The following TFAP2D variants were observed in gnomAD, a reference collection of about 807,000 sequenced individuals.
The protein encoded by TFAP2D is transcription factor AP-2 delta.
A neutral mutation model predicts 43.6 loss-of-function variants in TFAP2D; 9 were observed. That is an observed-to-expected ratio of 0.21 (90% CI 0.12 to 0.36). TFAP2D has a LOEUF of 0.36. Ranked by LOEUF, TFAP2D falls within the 10% of genes least tolerant of loss-of-function variation. The probability of loss-of-function intolerance (pLI) is 1.00; values close to 1 mark genes in which losing one functional copy is unlikely to be tolerated. For synonymous variants in TFAP2D, 256 were observed against 224.9 expected, an observed-to-expected ratio of 1.14 and a Z score of -1.24; for missense variants, 513 against 561.4, an observed-to-expected ratio of 0.91 and a Z score of 0.87.
At chr6:50,718,497 T>C (rs1253204280) in intron 2 of TFAP2D, among the ~76,000 whole-genome samples, 1 of 152,202 alleles carries the variant, frequency 6.6e-6, no homozygotes, top group East Asian at 1.9e-4. Flanking sequence ...GCAAACTCTT[T>C]CCATCTTTCC....
chr6:50,757,452 T>TATATATATATA (rs1769290556), intron 7 of TFAP2D, among the ~76,000 whole-genome samples: 2 of 95,322 alleles, frequency 2.1e-5, no homozygotes, highest in Non-Finnish European at 3.7e-5. Context: ...ATACTTATTC[T>TATATATATATA]ATATATATAT....
intron 5 of TFAP2D, among the ~76,000 whole-genome samples, chr6:50,730,380 G>C (rs1768869354): frequency 6.6e-6 from 1 of 152,056 alleles, no homozygotes; most frequent in Non-Finnish European, 1.5e-5. Context: ...ACTGACAACT[G>C]ACATTTACTG....
intron 2 of TFAP2D, among the ~76,000 whole-genome samples, chr6:50,718,475 A>T (rs1056246796): frequency 1.3e-5 from 2 of 152,170 alleles, no homozygotes; most frequent in Non-Finnish European, 2.9e-5. Flanking sequence ...TATTTTTCCT[A>T]ATCAAAAATC....
intron 7 of TFAP2D, among the ~76,000 whole-genome samples, chr6:50,756,885 C>T (rs1769272155): frequency 6.6e-6 from 1 of 151,870 alleles, no homozygotes; most frequent in Non-Finnish European, 1.5e-5. Flanking sequence ...AAACCCAGAG[C>T]CCTAACTTTT....
At chr6:50,721,214 A>C (rs1275160457) in intron 3 of TFAP2D, among the ~76,000 whole-genome samples, 1 of 152,150 alleles carries the variant, frequency 6.6e-6, no homozygotes, top group Admixed American at 6.6e-5. Context: ...GCTACTTGAA[A>C]CCAAATATTG....
At chr6:50,743,311 C>T (rs779098882) in intron 5 of TFAP2D, among the ~76,000 whole-genome samples, 10 of 151,968 alleles carry the variant, frequency 6.6e-5, no homozygotes, top group Non-Finnish European at 1.0e-4. Flanking sequence ...TTGCTAAGGC[C>T]TAGAACAGGA....
chr6:50,721,813 A>C (rs1768728919), intron 3 of TFAP2D, among the ~76,000 whole-genome samples: 1 of 152,208 alleles, frequency 6.6e-6, no homozygotes, highest in Non-Finnish European at 1.5e-5. Flanking sequence ...AAGTTCCCGG[A>C]TTAATTTACA....
Position 50,745,087 on chromosome 6 carries a change from C to T in TFAP2D, c.884-20C>T, listed in dbSNP as rs546697833. The T allele has an allele frequency of 2.2e-5, 36 of 1,612,670 alleles. No individual in the cohort carries two copies. Among genetic ancestry groups the T allele is most frequent in the South Asian group, 4.4e-5 (4 of 91,014 alleles). ...AGGTTGGATACTGGTGAGAAACTCA[C>T]TTGTGTTATCTGCCAACAGGGGAGG... On this transcript the variant is annotated intron_variant, in intron 5 of 7. Transcript: ENST00000008391.
intron 7 of TFAP2D, among the ~76,000 whole-genome samples, chr6:50,755,921 T>A (rs2113888645): frequency 6.6e-6 from 1 of 152,170 alleles, no homozygotes; most frequent in South Asian, 2.1e-4. Context: ...GTTCTCAATC[T>A]GTTACCTAGG....
intron 1 of TFAP2D, among the ~76,000 whole-genome samples, chr6:50,714,626 C>A (rs1768583405): frequency 6.6e-6 from 1 of 152,102 alleles, no homozygotes; most frequent in African/African-American, 2.4e-5. Context: ...GCAGCCCGGG[C>A]CGAACATCTC....
intron 6 of TFAP2D, among the ~76,000 whole-genome samples, chr6:50,749,191 AAT>A (rs1769165543): frequency 6.6e-6 from 1 of 151,812 alleles, no homozygotes; most frequent in African/African-American, 2.4e-5. Flanking sequence ...AATATAATAT[AAT>A]ATTACTCCTG....
intron 7 of TFAP2D, among the ~76,000 whole-genome samples, chr6:50,768,273 CTTTTTTTTTTT>C (rs67686384): frequency 1.4e-4 from 11 of 77,282 alleles, no homozygotes; most frequent in African/African-American, 5.6e-4. Context: ...TTCTAATTTT[CTTTTTTTTTTT>C]TTTTTGGAGA....
At chr6:50,740,713 A>G (rs1390509227) in intron 5 of TFAP2D, among the ~76,000 whole-genome samples, 1 of 152,236 alleles carries the variant, frequency 6.6e-6, no homozygotes, top group Non-Finnish European at 1.5e-5. Context: ...CTGGGATTAC[A>G]GGCATGAGCC....
chr6:50,745,208 A>G lies in TFAP2D; in HGVS notation c.985A>G (p.Lys329Glu). The change falls in exon 6 of 8, where the codon AAA (lysine) becomes GAA (glutamate). Residue 329 changes from lysine to glutamate, a missense_variant. This residue lies in a region of TFAP2D where 199 missense variants were observed against 227.9 expected (regional missense o/e 0.87). Coordinates refer to ENST00000008391, the MANE Select transcript of TFAP2D (RefSeq NM_172238.4). ...TCTTGCCAGACAACATATGGAACAG[A>G]AAGAACAGACAGCAAGAAAAAAGAT... ...EHLARQHMEQ[K>E]EQTARKKMIL... 2 of 1,613,786 alleles carry G rather than the reference A, an allele frequency of 1.2e-6. No individual in the cohort carries two copies. The highest frequency in any genetic ancestry group is 1.7e-6 in the Non-Finnish European group (2 of 1,179,798).
intron 1 of TFAP2D, 114 bp downstream of exon 1, chr6:50,714,208 A>T: frequency 8.2e-6 from 9 of 1,101,424 alleles, no homozygotes; most frequent in Non-Finnish European, 1.3e-6. Flanking sequence ...TCTATATTGG[A>T]CCGTTACGTT....
intron 5 of TFAP2D, among the ~76,000 whole-genome samples, chr6:50,736,219 C>T (rs1004832055): frequency 1.3e-5 from 2 of 152,140 alleles, no homozygotes; most frequent in African/African-American, 2.4e-5. Context: ...AAGTGTAGTG[C>T]GTTGACCTCT....
At position 50,723,216 on chromosome 6, in the gene TFAP2D, AGCTTCAATT is replaced by A. The variant is rs1345873294; in HGVS notation, c.598+4070_598+4078del. On this transcript the variant is annotated intron_variant, in intron 3 of 7. Coordinates refer to ENST00000008391, the MANE Select transcript of TFAP2D (RefSeq NM_172238.4). The stretch of plus-strand genomic sequence containing the variant: ...AAAAAATTCCTTGAAATGGAACCTT[AGCTTCAATT>A]GCTCAGTCTGCCCATAACAGAGTAG... Among the ~76,000 whole-genome samples, 7 of 152,316 alleles carry A rather than the reference AGCTTCAATT, an allele frequency of 4.6e-5. No individual in the cohort carries two copies. In the East Asian group the frequency reaches 1.4e-3, roughly 29 times the overall value.
chr6:50,745,129 G>A lies in TFAP2D; in HGVS notation c.906G>A (p.Arg302=). The change falls in exon 6 of 8, where the codon CGG becomes CGA. Residue 302 remains arginine (R), a synonymous_variant. Coordinates refer to ENST00000008391, the MANE Select transcript of TFAP2D (RefSeq NM_172238.4). ...CAGGGGAGGCTTTGCACTTGGCTCG[G>A]GATTTTGGCTACACTTGTGAAACAG... ...LVEGEALHLA[R]DFGYTCETEF... 6.2e-7 allele frequency: 1 copy of A among 1,613,592 alleles called. No homozygotes were observed. Among genetic ancestry groups the A allele is most frequent in the South Asian group, 1.1e-5 (1 of 91,060 alleles).
rs944837840 is a variant in TFAP2D at position 50,713,650 on chromosome 6, C to A, written c.-406C>A. On this transcript the variant is annotated 5_prime_UTR_variant, in exon 1 of 8. Transcript: ENST00000008391. ...AAAATGGATAAAAATGTTGAAAGAACCTCCAGTTCCTTATTAGGCGAAGAT... is the reference window on the plus strand; with the variant it reads ...AAAATGGATAAAAATGTTGAAAGAAACTCCAGTTCCTTATTAGGCGAAGAT... 1.5e-4 allele frequency among the ~76,000 whole-genome samples: 23 copies of A among 152,118 alleles called. No individual in the cohort carries two copies. Among genetic ancestry groups the A allele is most frequent in the African/African-American group, 5.1e-4 (21 of 41,424 alleles).
Sources: allele counts gnomAD v4.1 joint callset (sites outside exome capture counted in the v4.1 genomes callset), GRCh38; gene constraint gnomAD v4.1.1; regional missense constraint gnomAD v4.1.1; transcripts MANE v1.5; gene names NCBI Gene and HGNC (gene_info 2026-07-23, HGNC 2026-07-21).